The following KMT2E variants were observed in gnomAD, a reference collection of about 807,000 sequenced individuals.
KMT2E encodes the protein histone reader KMT2E.
Under a neutral mutation model 184.6 loss-of-function variants are expected in KMT2E, and 30 were observed. That is an observed-to-expected ratio of 0.16 (90% confidence interval 0.12 to 0.22). The LOEUF (loss-of-function observed/expected upper bound fraction) is 0.22. KMT2E is among the 10% of genes least tolerant of loss of function. KMT2E has a pLI of 1.00. For missense variants in KMT2E, 2,023 were observed against 2,237.4 expected (o/e 0.90, Z 1.93); for synonymous variants, 815 against 776.5 (o/e 1.05, Z -0.82).
intron 3 of KMT2E, among the ~76,000 whole-genome samples, chr7:105,059,923 A>T (rs1274194803): frequency 6.7e-6 from 1 of 149,830 alleles, no homozygotes; most frequent in Admixed American, 6.7e-5. Flanking sequence ...AAAATAATGA[A>T]TAATTCTTAA....
At chr7:105,071,130 T>C (rs998901776) in intron 6 of KMT2E, among the ~76,000 whole-genome samples, 3 of 152,162 alleles carry the variant, frequency 2.0e-5, no homozygotes, top group Admixed American at 1.3e-4. Context: ...CTTAAAAATA[T>C]ATGCTGAAGA....
chr7:105,102,813 T>C (rs1207356039), intron 17 of KMT2E: 1 of 152,330 alleles, frequency 6.6e-6, no homozygotes, highest in East Asian at 1.9e-4. Context: ...TAGGGGTAGA[T>C]CATGAATGTA....
chr7:105,107,337 A>ATT, intron 21 of KMT2E, 25 bp from the exon 22 acceptor site: 8 of 1,269,278 alleles, frequency 6.3e-6, no homozygotes, highest in South Asian at 4.6e-5. Flanking sequence ...TATTTGTGTA[A>ATT]TTTTTTTTTT....
At chr7:105,093,132 C>G (rs1022740933) in intron 15 of KMT2E, among the ~76,000 whole-genome samples, 3 of 152,072 alleles carry the variant, frequency 2.0e-5, no homozygotes, top group African/African-American at 7.2e-5. Flanking sequence ...GAGGTCAAGG[C>G]TGCACTGAGC....
At chr7:105,064,940 T>C (rs934095220) in intron 5 of KMT2E, among the ~76,000 whole-genome samples, 4 of 152,172 alleles carry the variant, frequency 2.6e-5, no homozygotes, top group African/African-American at 9.6e-5. Context: ...TGTTCTTCTT[T>C]TGATATAACG....
chr7:105,110,661 A>T, intron 25 of KMT2E, 59 bp downstream of exon 25: 1 of 1,608,422 alleles, frequency 6.2e-7, no homozygotes, highest in South Asian at 1.1e-5. Context: ...CAGACAAGAG[A>T]GCCTTTATAA....
At position 105,112,927 on chromosome 7, in the gene KMT2E, C is replaced by T. The variant is rs755109365; in HGVS notation, c.5171C>T (p.Ser1724Phe). The T allele has an allele frequency of 6.2e-7, 1 of 1,613,846 alleles. No individual in the cohort carries two copies. Among genetic ancestry groups the T allele is most frequent in the East Asian group, 2.2e-5 (1 of 44,866 alleles). Residue 1724 changes from serine (S) to phenylalanine (F), a missense_variant, in exon 27 of 27, where the codon TCC (serine) becomes TTC (phenylalanine). Ser to Phe is a radical substitution (Grantham distance 155). Transcript: ENST00000311117. ...APPPPPPPPP[S>F]SVLASGHHTT... ...CCACCACCCCCTCCGCCGCCACCTTCCAGTGTTTTGGCTTCTGGGCATCAT... is the reference window on the plus strand; with the variant it reads ...CCACCACCCCCTCCGCCGCCACCTTTCAGTGTTTTGGCTTCTGGGCATCAT...
chr7:105,062,291 C>A lies in KMT2E; in HGVS notation c.186+13C>A. Reference sequence around the variant, plus strand: ...TTTGCCCTATGCGGTAAGTGTTAAACACTTCTTTGAAAAAACATTTTTAAA... The same window carrying A: ...TTTGCCCTATGCGGTAAGTGTTAAAAACTTCTTTGAAAAAACATTTTTAAA... On this transcript the variant is annotated intron_variant, in intron 4 of 26. Coordinates refer to ENST00000311117, the MANE Select transcript of KMT2E (RefSeq NM_182931.3). 2 of 1,542,024 alleles carry A rather than the reference C, an allele frequency of 1.3e-6. No homozygotes were observed. Among genetic ancestry groups the A allele is most frequent in the Non-Finnish European group, 8.9e-7 (1 of 1,121,266 alleles).
intron 3 of KMT2E, among the ~76,000 whole-genome samples, chr7:105,061,282 A>T (rs1796802785): frequency 6.6e-6 from 1 of 152,240 alleles, no homozygotes. Context: ...CTAAGTTCTA[A>T]TGTAAAGTTT....
chr7:105,071,615 T>A (rs1212056615), intron 6 of KMT2E, among the ~76,000 whole-genome samples: 156 of 106,786 alleles, frequency 1.5e-3, no homozygotes, highest in African/African-American at 4.5e-3. Context: ...TATATTTTTT[T>A]TTTTTTTTTT....
chr7:105,075,872 A>G (rs1797505057), intron 8 of KMT2E, among the ~76,000 whole-genome samples, 171 bp from the exon 9 acceptor site: 1 of 152,074 alleles, frequency 6.6e-6, no homozygotes, highest in Non-Finnish European at 1.5e-5. Flanking sequence ...TTTATTAGAA[A>G]AGTATTTTAA....
chr7:105,022,618 T>G (rs1795002471), intron 1 of KMT2E, among the ~76,000 whole-genome samples: 1 of 152,182 alleles, frequency 6.6e-6, no homozygotes, highest in African/African-American at 2.4e-5. Flanking sequence ...TGTATAAATA[T>G]CCACTTCCTC....
chr7:105,091,534 G>T, intron 15 of KMT2E: 3 of 576,844 alleles, frequency 5.2e-6, no homozygotes, highest in Non-Finnish European at 9.3e-6. Context: ...TGACATTTAA[G>T]AAATATGAAC....
intron 3 of KMT2E, among the ~76,000 whole-genome samples, chr7:105,046,458 A>C (rs1231673809): frequency 6.6e-6 from 1 of 152,194 alleles, no homozygotes; most frequent in Admixed American, 6.5e-5. Flanking sequence ...ATTAAGTTTT[A>C]ATCAGTCTCA....
chr7:105,057,880 CAT>C (rs1318052868), intron 3 of KMT2E, among the ~76,000 whole-genome samples: 2 of 152,178 alleles, frequency 1.3e-5, no homozygotes, highest in Admixed American at 6.5e-5. Flanking sequence ...ACAAAATTAA[CAT>C]AAAGTATCCA....
intron 3 of KMT2E, among the ~76,000 whole-genome samples, chr7:105,051,113 T>C (rs142919549): frequency 0.015 from 2,243 of 151,852 alleles, 56 homozygotes; most frequent in African/African-American, 0.051. Flanking sequence ...TCTCTCTTTC[T>C]TCCTTTCCTC....
chr7:105,063,302 A>G (rs758413256), intron 4 of KMT2E, 49 bp from the exon 5 acceptor site: 2 of 1,319,476 alleles, frequency 1.5e-6, no homozygotes, highest in Non-Finnish European at 2.1e-6. Context: ...GGTTTATATC[A>G]TTGTTGAAAT....
chr7:105,102,129 A>G lies in KMT2E; in HGVS notation c.2131A>G (p.Ile711Val). 3 of 1,612,834 alleles carry G rather than the reference A, an allele frequency of 1.9e-6. No homozygotes were observed. The highest frequency in any genetic ancestry group is 2.5e-6 in the Non-Finnish European group (3 of 1,179,210). The change falls in exon 17 of 27, where the codon ATA (isoleucine) becomes GTA (valine). Residue 711 changes from isoleucine to valine, a missense_variant. Physicochemically the swap from Ile to Val is conservative, Grantham distance 29 (BLOSUM62 3). Transcript: ENST00000311117. Reference sequence around the variant, plus strand: ...AGAAACTGAAACTGCACTAGCAGAAATAATTACTGAAACTGAAGTTCCAGC... The same window carrying G: ...AGAAACTGAAACTGCACTAGCAGAAGTAATTACTGAAACTGAAGTTCCAGC... The part of the protein sequence containing the change: ...EPETETALAE[I>V]ITETEVPALN...
chr7:105,034,177 T>A (rs1200378938), intron 1 of KMT2E, among the ~76,000 whole-genome samples: 1 of 152,228 alleles, frequency 6.6e-6, no homozygotes, highest in Non-Finnish European at 1.5e-5. Flanking sequence ...GTACGCAGTT[T>A]CCCTCAATGG....
Sources: allele counts gnomAD v4.1 joint callset (sites outside exome capture counted in the v4.1 genomes callset), GRCh38; gene constraint gnomAD v4.1.1; transcripts MANE v1.5; gene names NCBI Gene and HGNC (gene_info 2026-07-23, HGNC 2026-07-21).